CABP1: variants seen among roughly 807,000 people sequenced by gnomAD.
CABP1 encodes calcium-binding protein 1.
CABP1 carries 17 observed loss-of-function variants against 34.3 expected under a neutral mutation model. The observed-to-expected ratio is 0.50, with a 90% confidence interval of 0.34 to 0.74. The LOEUF is 0.74. CABP1 is among the 30% of genes least tolerant of loss of function. The probability of loss-of-function intolerance (pLI) is 0.01; values close to 1 mark genes in which losing one functional copy is unlikely to be tolerated. For missense variants in CABP1, 373 were observed against 511.1 expected (o/e 0.73, Z 2.61); for synonymous variants, 198 against 229.2 (o/e 0.86, Z 1.23).
Position 120,641,090 on chromosome 12 carries a change from G to A in CABP1, c.405G>A (p.Gln135=), listed in dbSNP as rs887801227. 9.2e-6 allele frequency: 11 copies of A among 1,202,054 alleles called. No homozygotes were observed. The East Asian group carries it at 3.1e-4, about 34-fold the overall frequency. 74.5% of individuals were successfully genotyped at this position (1,202,054 alleles called of 1,614,324 possible). A position where few individuals can be genotyped will look rare whatever the true frequency, so the allele number is the denominator to read the frequency against. ...GAGAGGAGGGCGCGCGGGGGAGCCA[G>A]CGTGTGCTCCCCCAGGCGCACTGCA... ...APREEGARGS[Q]RVLPQAHCRP... The change falls in exon 1 of 6, where the codon CAG becomes CAA. Residue 135 remains glutamine (Q), a synonymous_variant. Transcript: ENST00000316803. The surrounding 1 kb of genome is among the most constrained non-coding windows in gnomAD (Gnocchi z 6.7).
chr12:120,649,451 C>T (rs1306675659), intron 1 of CABP1, among the ~76,000 whole-genome samples: 1 of 152,142 alleles, frequency 6.6e-6, no homozygotes, highest in Non-Finnish European at 1.5e-5. Context: ...GGTCTCAAAC[C>T]GGACATCTGA....
intron 1 of CABP1, among the ~76,000 whole-genome samples, chr12:120,653,630 G>A (rs1216959454): frequency 1.3e-5 from 2 of 152,178 alleles, no homozygotes; most frequent in Non-Finnish European, 2.9e-5. Context: ...TGCCTCCTGG[G>A]TTCAGTGATT....
intron 1 of CABP1, among the ~76,000 whole-genome samples, chr12:120,647,774 G>A (rs1244066719): frequency 1.4e-5 from 2 of 141,038 alleles, no homozygotes; most frequent in African/African-American, 2.7e-5. Flanking sequence ...TAGAGACAGC[G>A]TTTCACCACG....
the CABP1 span, among the ~76,000 whole-genome samples, chr12:120,678,620 A>G: frequency 6.6e-6 from 1 of 152,194 alleles, no homozygotes; most frequent in South Asian, 2.1e-4. Flanking sequence ...AAGTGAGACA[A>G]CTGAGGCCCA....
At chr12:120,678,407 G>A in the CABP1 span, among the ~76,000 whole-genome samples, 1 of 152,092 alleles carries the variant, frequency 6.6e-6, no homozygotes, top group Non-Finnish European at 1.5e-5. Context: ...TCTCCCTTGG[G>A]GAGAAGGGTA....
rs576387922 is a variant in CABP1 at position 120,658,570 on chromosome 12, C to T, written c.655-1308C>T. Among the ~76,000 whole-genome samples the T allele has an allele frequency of 1.2e-4, 18 of 152,332 alleles. No individual in the cohort carries two copies. The South Asian group carries it at 3.5e-3, about 30-fold the overall frequency. ...ACAGAGCTACCTCTGAGCTCTTGGT[C>T]CTATGCACCTGGTTGTCCCATGAGA... On this transcript the variant is annotated intron_variant, in intron 1 of 5. Transcript: ENST00000316803.
At chr12:120,647,015 A>G (rs1032039408) in intron 1 of CABP1, among the ~76,000 whole-genome samples, 16 of 152,158 alleles carry the variant, frequency 1.1e-4, no homozygotes, top group South Asian at 2.1e-4. Context: ...TGATTTTTCC[A>G]TAGGGACCAG....
Position 120,661,329 on chromosome 12 carries a change from C to T in CABP1, c.1087+111C>T. On this transcript the variant is annotated intron_variant, in intron 5 of 5. Coordinates refer to ENST00000316803, the MANE Select transcript of CABP1 (RefSeq NM_001033677.2). The surrounding 1 kb of genome is among the most constrained non-coding windows in gnomAD (Gnocchi z 5.1). The stretch of plus-strand genomic sequence containing the variant: ...TCAATCCGCCCTAATTTTCCAACCC[C>T]CAGCCCTTTCATCCTCTTATCCCTC... 7.8e-7 allele frequency: 1 copy of T among 1,288,420 alleles called. No individual in the cohort carries two copies. 79.8% of individuals were successfully genotyped at this position (1,288,420 alleles called of 1,614,324 possible). A position where few individuals can be genotyped will look rare whatever the true frequency, so the allele number is the denominator to read the frequency against.
chr12:120,661,033 T>C lies in CABP1; in HGVS notation c.940-38T>C, dbSNP rs750094045. 3 of 1,601,678 alleles carry C rather than the reference T, an allele frequency of 1.9e-6. No individual in the cohort carries two copies. Among genetic ancestry groups the C allele is most frequent in the South Asian group, 1.1e-5 (1 of 89,804 alleles). On this transcript the variant is annotated intron_variant, in intron 4 of 5. Transcript: ENST00000316803. The surrounding 1 kb of genome is among the most constrained non-coding windows in gnomAD (Gnocchi z 5.1). ...TGGGATCTGCTGCTGCCAATCGCCA[T>C]GCTGGGGCGACCTCTCCTTCCTTCC...
chr12:120,672,722 A>C, the CABP1 span, among the ~76,000 whole-genome samples: 1 of 151,526 alleles, frequency 6.6e-6, no homozygotes, highest in Non-Finnish European at 1.5e-5. Flanking sequence ...AAAAAAAAAA[A>C]AAAAACCACA....
At position 120,650,803 on chromosome 12, in the gene CABP1, A is replaced by G. The variant is rs559598043; in HGVS notation, c.655-9075A>G. 6.9e-6 allele frequency: 7 copies of G among 1,016,386 alleles called. No individual in the cohort carries two copies. The South Asian group carries it at 9.6e-5, about 14-fold the overall frequency. The allele number at this position is 1,016,386 out of a possible 1,614,324, so 63.0% of individuals were successfully genotyped here. A position where few individuals can be genotyped will look rare whatever the true frequency, so the allele number is the denominator to read the frequency against. On this transcript the variant is annotated intron_variant, in intron 1 of 5. Coordinates refer to ENST00000316803, the MANE Select transcript of CABP1 (RefSeq NM_001033677.2). The stretch of plus-strand genomic sequence containing the variant: ...GCTATCCTTCCCAGGGGTTCTGTCC[A>G]GGGCTGCCTCCCTGCTTCTACCCCA...
chr12:120,677,858 A>C, the CABP1 span, among the ~76,000 whole-genome samples: 2 of 152,216 alleles, frequency 1.3e-5, no homozygotes, highest in African/African-American at 2.4e-5. Flanking sequence ...TTCTCTGCCT[A>C]GACAATGAGC....
chr12:120,641,174 G>A lies in CABP1; in HGVS notation c.489G>A (p.Pro163=). ...ASRPSPSSPL[P]PARGRDGEER... ...GACCTTCGCCGTCGTCGCCGCTGCC[G>A]CCGGCCCGCGGGCGGGATGGGGAGG... Residue 163 remains proline (P), a synonymous_variant, in exon 1 of 6, where the codon CCG becomes CCA. Transcript: ENST00000316803. The surrounding 1 kb of genome is among the most constrained non-coding windows in gnomAD (Gnocchi z 6.7). The A allele has an allele frequency of 1.6e-6, 2 of 1,239,456 alleles. No homozygotes were observed. The highest frequency in any genetic ancestry group is 2.0e-6 in the Non-Finnish European group (2 of 994,136). 76.8% of individuals were successfully genotyped at this position (1,239,456 alleles called of 1,614,324 possible). A position where few individuals can be genotyped will look rare whatever the true frequency, so the allele number is the denominator to read the frequency against.
downstream of CABP1, among the ~76,000 whole-genome samples, chr12:120,669,755 A>G (rs554852527): frequency 3.4e-5 from 3 of 88,880 alleles, no homozygotes; most frequent in South Asian, 6.8e-4. Flanking sequence ...CTCTGTCTGA[A>G]AAAAAAAAAA....
chr12:120,642,790 C>A (rs968745020), intron 1 of CABP1, among the ~76,000 whole-genome samples: 1 of 151,928 alleles, frequency 6.6e-6, no homozygotes, highest in Admixed American at 6.6e-5. Flanking sequence ...TCAATTATTT[C>A]TTGAGCATTT....
chr12:120,670,204 C>T (rs1268779634), downstream of CABP1, among the ~76,000 whole-genome samples: 1 of 152,148 alleles, frequency 6.6e-6, no homozygotes, highest in Non-Finnish European at 1.5e-5. Context: ...ATCTGTTGTC[C>T]AGGCTGTCTT....
At chr12:120,676,693 T>C in the CABP1 span, among the ~76,000 whole-genome samples, 1 of 152,014 alleles carries the variant, frequency 6.6e-6, no homozygotes, top group African/African-American at 2.4e-5. Context: ...TCCCAAAGTG[T>C]TGGGATTACA....
downstream of CABP1, among the ~76,000 whole-genome samples, chr12:120,671,912 T>C (rs1364082149): frequency 6.6e-6 from 1 of 151,788 alleles, no homozygotes; most frequent in Non-Finnish European, 1.5e-5. Context: ...ACAAAAAATT[T>C]TAAAAATTAG....
chr12:120,656,216 C>G (rs751874385), intron 1 of CABP1: 1 of 1,594,206 alleles, frequency 6.3e-7, no homozygotes, highest in South Asian at 1.1e-5. Context: ...CATGCACAAC[C>G]TGCTGGGCCC....
Sources: gnomAD v4.1 joint callset for allele counts (sites outside exome capture counted in the v4.1 genomes callset) on GRCh38, gnomAD v4.1.1 for gene constraint, Gnocchi (gnomAD v3.1) non-coding constraint, MANE v1.5 for transcripts, NCBI Gene and HGNC (gene_info 2026-07-23, HGNC 2026-07-21) for gene names.